The following COL6A1 variants were observed in gnomAD, a reference collection of about 807,000 sequenced individuals.
The protein encoded by COL6A1 is collagen alpha-1(VI) chain.
A neutral mutation model predicts 145.6 loss-of-function variants in COL6A1; 80 were observed. That is an observed-to-expected ratio of 0.55 (90% CI 0.46 to 0.66). The LOEUF (loss-of-function observed/expected upper bound fraction) is 0.66. Among genes scored for constraint, COL6A1 ranks in the 30% least tolerant of loss-of-function variants. The pLI, the probability that COL6A1 is intolerant of heterozygous loss-of-function variation, is 0.00. For missense variants in COL6A1, 1,364 were observed against 1,473.8 expected, an observed-to-expected ratio of 0.93 and a Z score of 1.22; for synonymous variants, 638 against 622.8, an observed-to-expected ratio of 1.02 and a Z score of -0.36.
chr21:45,999,763 TC>T, intron 27 of COL6A1, 71 bp downstream of exon 27: 1 of 1,147,444 alleles, frequency 8.7e-7, no homozygotes, highest in Non-Finnish European at 1.2e-6. Context: ...GTGGGTCCTG[TC>T]CATGGGTGCT....
chr21:46,000,682 C>T, intron 28 of COL6A1, 77 bp from the exon 29 acceptor site: 1 of 1,598,276 alleles, frequency 6.3e-7, no homozygotes, highest in Middle Eastern at 1.7e-4. Context: ...GGGAGGCTGC[C>T]CCAAGAGTAA....
At position 46,003,708 on chromosome 21, in the gene COL6A1, C is replaced by T. The variant is rs780891158; in HGVS notation, c.2782C>T (p.Arg928Cys). ...CCTGGGCTATGTGACCCGCTTCTAC[C>T]GCGAGGCCTCGTCCGGCGCTGCCAA... ...DALGYVTRFY[R>C]EASSGAAKKR... is the part of the protein sequence containing the mutation. The change falls in exon 35 of 35, where the codon CGC becomes TGC. Residue 928 changes from arginine to cysteine, a missense_variant. By Grantham distance (180) the Arg-to-Cys change is radical. This residue lies in a region of COL6A1 where 938 missense variants were observed against 1,003.8 expected (regional missense o/e 0.93). Transcript: ENST00000361866. 1.2e-5 allele frequency: 20 copies of T among 1,612,976 alleles called. No homozygotes were observed. Among genetic ancestry groups the T allele is most frequent in the Non-Finnish European group, 1.6e-5 (19 of 1,179,914 alleles).
chr21:45,989,799 G>A (rs757084194), intron 11 of COL6A1, 21 bp downstream of exon 11: 138 of 1,612,652 alleles, frequency 8.6e-5, no homozygotes, highest in Non-Finnish European at 1.1e-4. Flanking sequence ...CTCGACCTCG[G>A]AGCTGGTCTC....
rs1197741692 is a variant in COL6A1 at position 45,986,691 on chromosome 21, C to T, written c.588+6C>T. ...CCATCACACCCGACCACCTGGTAGG[C>T]ACCGGCCCCCCCCGGCAGATGCCCC... On this transcript the variant is annotated splice_donor_region_variant and intron_variant, in intron 4 of 34. Transcript: ENST00000361866. The T allele has an allele frequency of 6.5e-7, 1 of 1,543,050 alleles. No homozygotes were observed. Among genetic ancestry groups the T allele is most frequent in the African/African-American group, 1.4e-5 (1 of 70,204 alleles).
chr21:45,981,867 C>T lies in COL6A1; in HGVS notation c.17C>T (p.Ala6Val). 6.3e-7 allele frequency: 1 copy of T among 1,594,882 alleles called. No individual in the cohort carries two copies. Among genetic ancestry groups the T allele is most frequent in the Non-Finnish European group, 8.5e-7 (1 of 1,173,034 alleles). MRAARALLPLLLQACW... is the reference protein window; with the variant it reads MRAARVLLPLLLQACW... ...GCCCCAGACATGAGGGCGGCCCGTG[C>T]TCTGCTGCCCCTGCTGCTGCAGGCC... Residue 6 changes from alanine (A) to valine (V), a missense_variant, in exon 1 of 35, where the codon GCT becomes GTT. Coordinates refer to ENST00000361866, the MANE Select transcript of COL6A1 (RefSeq NM_001848.3).
chr21:45,984,532 G>A lies in COL6A1; in HGVS notation c.428+63G>A, dbSNP rs540415243. 1.1e-5 allele frequency: 17 copies of A among 1,544,172 alleles called. No individual in the cohort carries two copies. In the South Asian group the frequency reaches 1.2e-4, roughly 11 times the overall value. ...ACGCGTGGTACCCAGCCTGGGCTGG[G>A]GTTGGCCTGGGGTCCCTGTGCGGCT... On this transcript the variant is annotated intron_variant, in intron 3 of 34. Transcript: ENST00000361866.
chr21:46,001,894 C>A, intron 30 of COL6A1, 67 bp from the exon 31 acceptor site: 1 of 1,411,848 alleles, frequency 7.1e-7, no homozygotes, highest in South Asian at 1.2e-5. Context: ...CCAATAGAGT[C>A]ACCCTTGGGA....
rs138351067 is a variant in COL6A1, at chr21:46,003,589, G to C, written c.2663G>C (p.Arg888Pro). 1.0e-4 allele frequency: 168 copies of C among 1,612,668 alleles called. No homozygotes were observed. The highest frequency in any genetic ancestry group is 1.4e-4 in the Non-Finnish European group (163 of 1,179,812). Residue 888 changes from arginine to proline, a missense_variant, in exon 35 of 35, where the codon CGG (arginine) becomes CCG (proline). Transcript: ENST00000361866. ...YSGTGQQRPE[R>P]ASLQFLQNYT... ...GGCACGGGCCAGCAGCGCCCAGAGC[G>C]GGCGTCGCTGCAGTTCCTGCAGAAC...
chr21:45,983,663 G>T (rs2077721190), intron 2 of COL6A1, among the ~76,000 whole-genome samples: 1 of 152,094 alleles, frequency 6.6e-6, no homozygotes, highest in Non-Finnish European at 1.5e-5. Flanking sequence ...GTGTTTGGGG[G>T]GGGGTCTGGC....
chr21:45,985,748 G>T (rs752784059), intron 3 of COL6A1, among the ~76,000 whole-genome samples: 1 of 152,230 alleles, frequency 6.6e-6, no homozygotes, highest in Non-Finnish European at 1.5e-5. Context: ...GCCTCTCCCC[G>T]AGGTCGGTCT....
chr21:45,987,451 A>C, intron 6 of COL6A1, 48 bp from the exon 7 acceptor site: 1 of 1,612,232 alleles, frequency 6.2e-7, no homozygotes, highest in Non-Finnish European at 8.5e-7. Flanking sequence ...TCCCAGCCGT[A>C]TGTCCGTGGC....
chr21:45,991,953 G>T, intron 15 of COL6A1, 57 bp from the exon 16 acceptor site: 1 of 1,516,278 alleles, frequency 6.6e-7, no homozygotes, highest in South Asian at 1.2e-5. Flanking sequence ...GCCTCTGATG[G>T]CTGCACCCCT....
At chr21:46,000,994 G>GT (rs1569519009) in intron 29 of COL6A1, 2 of 706,710 alleles carry the variant, frequency 2.8e-6, no homozygotes, top group African/African-American at 3.5e-5. Flanking sequence ...GAGCAGGCTT[G>GT]GGGGGGTCCC....
chr21:45,982,011 T>A (rs1181640706), intron 1 of COL6A1, 64 bp downstream of exon 1: 25 of 1,331,362 alleles, frequency 1.9e-5, no homozygotes, highest in Non-Finnish European at 2.3e-5. Context: ...CAGGGCCAGA[T>A]GCGCGGGGTC....
rs746562721 is a variant in COL6A1, at chr21:45,999,724, C to T, written c.1776+32C>T. Reference sequence around the variant, plus strand: ...GGGGCTCTGTGAACATTGCTGGGGGCGACCACTGTAGCTTCCATCCCTTGG... The same window carrying T: ...GGGGCTCTGTGAACATTGCTGGGGGTGACCACTGTAGCTTCCATCCCTTGG... On this transcript the variant is annotated intron_variant, in intron 27 of 34. Transcript: ENST00000361866. 34 of 1,600,168 alleles carry T rather than the reference C, an allele frequency of 2.1e-5. 2 individuals carry two copies. The highest frequency in any genetic ancestry group is 1.7e-4 in the Middle Eastern group (1 of 6,040).
At position 46,000,354 on chromosome 21, in the gene COL6A1, C is replaced by G. The variant is rs2077836379; in HGVS notation, c.1800C>G (p.Ile600Met). The part of the protein sequence containing the change: ...GPDECEILDI[I>M]MKMCSCCECK... ...AGGAATGCGAGATTTTGGACATCAT[C>G]ATGAAAATGTGCTGTGAGTATCTCT... The change falls in exon 28 of 35, where the codon ATC becomes ATG. Residue 600 changes from isoleucine (I) to methionine (M), a missense_variant. This residue lies in a region of COL6A1 where 938 missense variants were observed against 1,003.8 expected (regional missense o/e 0.93). Transcript: ENST00000361866. 1.9e-6 allele frequency: 3 copies of G among 1,613,962 alleles called. No individual in the cohort carries two copies. In the East Asian group the frequency reaches 6.7e-5, roughly 36 times the overall value.
At chr21:45,990,930 G>A (rs2077773238) in intron 14 of COL6A1, 49 bp from the exon 15 acceptor site, 1 of 1,611,702 alleles carries the variant, frequency 6.2e-7, no homozygotes, top group Admixed American at 1.7e-5. Context: ...TGCTGCCAGA[G>A]GCCGCGGTGG....
intron 27 of COL6A1, among the ~76,000 whole-genome samples, chr21:46,000,099 C>T (rs1033786950): frequency 6.4e-5 from 9 of 139,550 alleles, no homozygotes; most frequent in Non-Finnish European, 9.5e-5. Context: ...CATGAGGGGA[C>T]CCGTGACGGC....
intron 1 of COL6A1, among the ~76,000 whole-genome samples, chr21:45,982,162 G>A (rs1466206489): frequency 6.7e-6 from 1 of 148,586 alleles, no homozygotes; most frequent in Non-Finnish European, 1.5e-5. Flanking sequence ...CATTCTCAGC[G>A]GGGCCGGACC....
Sources: allele counts gnomAD v4.1 joint callset (sites outside exome capture counted in the v4.1 genomes callset), GRCh38; gene constraint gnomAD v4.1.1; regional missense constraint gnomAD v4.1.1; transcripts MANE v1.5; gene names NCBI Gene and HGNC (gene_info 2026-07-23, HGNC 2026-07-21).